Variants in PDE4D observed in about 807,000 individuals in gnomAD.
The protein encoded by PDE4D is phosphodiesterase 4D.
A neutral mutation model predicts 87.4 loss-of-function variants in PDE4D; 24 were observed. The ratio of observed to expected loss-of-function variants is 0.27; its 90% CI spans 0.20 to 0.39. The LOEUF (loss-of-function observed/expected upper bound fraction) is 0.39, where lower values mean the gene tolerates loss of function less well. Among genes scored for constraint, PDE4D ranks in the 10% least tolerant of loss-of-function variants. The pLI is 1.00. For synonymous variants in PDE4D, 384 were observed against 383.2 expected (o/e 1.00, Z -0.02); for missense variants, 714 against 1,041.0 (o/e 0.69, Z 4.32).
chr5:60,089,279 C>T (rs1184828044), intron 2 of PDE4D, among the ~76,000 whole-genome samples: 1 of 151,932 alleles, frequency 6.6e-6, no homozygotes, highest in African/African-American at 2.4e-5. Flanking sequence ...CTAGGATAGA[C>T]CATATGTTAG....
At chr5:60,300,523 A>G (rs181558315) in intron 1 of PDE4D, among the ~76,000 whole-genome samples, 3 of 152,104 alleles carry the variant, frequency 2.0e-5, no homozygotes, top group Non-Finnish European at 4.4e-5. Context: ...TAGGGTTTTT[A>G]TGGTTTTGGG....
intron 1 of PDE4D, among the ~76,000 whole-genome samples, chr5:59,551,058 C>T (rs573328362): frequency 2.1e-4 from 32 of 152,076 alleles, no homozygotes; most frequent in South Asian, 1.3e-3. Context: ...GAAATAGAAT[C>T]CCACCCTTTT....
At chr5:59,427,290 TATACAC>T (rs1420172217) in intron 1 of PDE4D, among the ~76,000 whole-genome samples, 7 of 87,066 alleles carry the variant, frequency 8.0e-5, no homozygotes, top group African/African-American at 3.4e-4. Flanking sequence ...GAAGTGATTT[TATACAC>T]ACACACACAC....
Position 59,586,334 on chromosome 5 carries a change from C to A in PDE4D, c.455+306834G>T, listed in dbSNP as rs368317807. On this transcript the variant is annotated intron_variant, in intron 1 of 14. Transcript: ENST00000340635. ...AGGGAATATTGATTACTCACCATAT[C>A]CAGGAATGCCTTCTAAAGGGAAAAT... The A allele has an allele frequency of 5.5e-5, 88 of 1,608,164 alleles. No individual in the cohort carries two copies. Among genetic ancestry groups the A allele is most frequent in the Middle Eastern group, 3.3e-4 (2 of 6,068 alleles).
chr5:60,055,492 A>G (rs138040513), intron 2 of PDE4D, among the ~76,000 whole-genome samples: 58 of 152,256 alleles, frequency 3.8e-4, no homozygotes, highest in African/African-American at 1.3e-3. Flanking sequence ...GCTAAACTAT[A>G]CCAATAGCTT....
intron 1 of PDE4D, among the ~76,000 whole-genome samples, chr5:59,273,834 A>G (rs1266254722): frequency 6.6e-6 from 1 of 152,198 alleles, no homozygotes; most frequent in African/African-American, 2.4e-5. Flanking sequence ...AAAATAGACT[A>G]TGATAATCTC....
intron 1 of PDE4D, among the ~76,000 whole-genome samples, chr5:59,413,568 C>G (rs1400048138): frequency 2.0e-5 from 3 of 152,074 alleles, no homozygotes; most frequent in East Asian, 3.9e-4. Context: ...TAACCTTTCT[C>G]CCTCCCACAA....
At chr5:60,003,159 T>C (rs1036912124) in intron 2 of PDE4D, among the ~76,000 whole-genome samples, 2 of 152,052 alleles carry the variant, frequency 1.3e-5, no homozygotes, top group Non-Finnish European at 2.9e-5. Context: ...TTTAATAATA[T>C]CTAAAAGAAC....
intron 1 of PDE4D, among the ~76,000 whole-genome samples, chr5:59,500,574 T>C (rs1808126621): frequency 6.6e-6 from 1 of 151,886 alleles, no homozygotes; most frequent in Non-Finnish European, 1.5e-5. Flanking sequence ...CGGACACAAA[T>C]ATGGAAACAC....
Position 58,989,749 on chromosome 5 carries a change from A to T in PDE4D, c.1452+6T>A. 6.3e-7 allele frequency: 1 copy of T among 1,578,532 alleles called. No homozygotes were observed. Among genetic ancestry groups the T allele is most frequent in the Non-Finnish European group, 8.6e-7 (1 of 1,164,610 alleles). On this transcript the variant is annotated splice_donor_region_variant and intron_variant, in intron 10 of 14. Transcript: ENST00000340635. ...AGTGTTCTTGAAATTTCAGAAACAG[A>T]TTTACCTCCAAAGCAGGTGTAGATA...
At chr5:59,699,181 T>C (rs1049714698) in intron 1 of PDE4D, among the ~76,000 whole-genome samples, 2 of 152,150 alleles carry the variant, frequency 1.3e-5, no homozygotes, top group Non-Finnish European at 2.9e-5. Context: ...AAAAATTATA[T>C]TAATAGTTCC....
At chr5:59,313,187 C>A (rs1359671300) in intron 1 of PDE4D, among the ~76,000 whole-genome samples, 2 of 152,166 alleles carry the variant, frequency 1.3e-5, no homozygotes. Flanking sequence ...AATACAAGAA[C>A]TGCCTACTTT....
At chr5:59,222,342 T>C (rs1277162348) in intron 1 of PDE4D, among the ~76,000 whole-genome samples, 1 of 152,178 alleles carries the variant, frequency 6.6e-6, no homozygotes, top group African/African-American at 2.4e-5. Flanking sequence ...CAATTTATTT[T>C]TGACCATGAT....
At chr5:59,619,501 C>G (rs78522494) in intron 1 of PDE4D, among the ~76,000 whole-genome samples, 2 of 152,154 alleles carry the variant, frequency 1.3e-5, no homozygotes, top group African/African-American at 2.4e-5. Context: ...TTCAGATGAT[C>G]GAGCATAGCA....
chr5:59,829,820 T>C (rs1354466319), intron 1 of PDE4D, among the ~76,000 whole-genome samples: 1 of 152,026 alleles, frequency 6.6e-6, no homozygotes, highest in Non-Finnish European at 1.5e-5. Context: ...TAAAAAGCAG[T>C]AGGGCGAGAG....
At chr5:60,401,671 G>A (rs1402284246) in intron 1 of PDE4D, among the ~76,000 whole-genome samples, 1 of 152,170 alleles carries the variant, frequency 6.6e-6, no homozygotes, top group Non-Finnish European at 1.5e-5. Context: ...TGTTAAACGT[G>A]AGCACTGGCT....
At chr5:59,155,430 A>T (rs1394175149) in intron 5 of PDE4D, among the ~76,000 whole-genome samples, 1 of 152,184 alleles carries the variant, frequency 6.6e-6, no homozygotes, top group East Asian at 1.9e-4. Context: ...TAAGAAGACA[A>T]TTAGGAGTTC....
chr5:59,393,075 T>A lies in PDE4D; in HGVS notation c.456-177107A>T, dbSNP rs571828661. Among the ~76,000 whole-genome samples the A allele has an allele frequency of 7.2e-5, 11 of 152,262 alleles. No homozygotes were observed. The South Asian group carries it at 1.9e-3, about 26-fold the overall frequency. ...AAAAAGTAATGATGACTAAAATTTCTAGACTGGATAATTAGGAAAATGTTA... is the reference window on the plus strand; with the variant it reads ...AAAAAGTAATGATGACTAAAATTTCAAGACTGGATAATTAGGAAAATGTTA... On this transcript the variant is annotated intron_variant, in intron 1 of 14. Coordinates refer to ENST00000340635, the MANE Select transcript of PDE4D (RefSeq NM_001104631.2).
At chr5:60,055,564 A>G (rs1265445905) in intron 2 of PDE4D, among the ~76,000 whole-genome samples, 1 of 152,134 alleles carries the variant, frequency 6.6e-6, no homozygotes, top group Non-Finnish European at 1.5e-5. Context: ...CCATAAATGT[A>G]ATATATATAT....
Sources: gnomAD v4.1 joint callset for allele counts (sites outside exome capture counted in the v4.1 genomes callset) on GRCh38, gnomAD v4.1.1 for gene constraint, MANE v1.5 for transcripts, NCBI Gene and HGNC (gene_info 2026-07-23, HGNC 2026-07-21) for gene names.